Variants in HIPK2 observed in about 807,000 individuals in gnomAD.
HIPK2 encodes the protein homeodomain interacting protein kinase 2.
HIPK2 carries 27 observed loss-of-function variants against 113.7 expected under a neutral mutation model. The observed-to-expected ratio is 0.24, with a 90% CI of 0.17 to 0.33. The LOEUF (loss-of-function observed/expected upper bound fraction) is 0.33, where lower values mean the gene tolerates loss of function less well. HIPK2 is among the 10% of genes least tolerant of loss of function. The probability of loss-of-function intolerance (pLI) is 1.00; values close to 1 mark genes in which losing one functional copy is unlikely to be tolerated. For synonymous variants in HIPK2, 631 were observed against 642.2 expected (o/e 0.98, Z 0.26); for missense variants, 1,257 against 1,588.0 (o/e 0.79, Z 3.54).
In HIPK2 at chr7:139,752,856, C is replaced by T. The variant is rs372126051; in HGVS notation, c.19+24749G>A. ...CCAGGCTCAAAATTCCTGAACTTCC[C>T]ACATTAGTCAAATGCTGCTGCTACG... is the stretch of plus-strand genomic sequence containing the variant. On this transcript the variant is annotated intron_variant, in intron 1 of 14. Coordinates refer to ENST00000406875, the MANE Select transcript of HIPK2 (RefSeq NM_022740.5). Among the ~76,000 whole-genome samples the T allele has an allele frequency of 1.8e-3, 270 of 152,272 alleles. 7 individuals are homozygous for T. In the South Asian group the frequency reaches 0.053, roughly 30 times the overall value.
At position 139,569,818 on chromosome 7, in the gene HIPK2, T is replaced by C. The variant is rs1798206259; in HGVS notation, c.*3109A>G. On this transcript the variant is annotated 3_prime_UTR_variant, in exon 15 of 15. Coordinates refer to ENST00000406875, the MANE Select transcript of HIPK2 (RefSeq NM_022740.5). ...TATATACTCACAGAGAGAATAAGTT[T>C]AAATATTAAAGAGAAAACACAAAGA... The C allele has an allele frequency of 6.6e-6, 1 of 152,120 alleles. No homozygotes were observed. Among genetic ancestry groups the C allele is most frequent in the African/African-American group, 2.4e-5 (1 of 41,430 alleles). The allele number at this position is 152,120 out of a possible 1,614,324, so 9.4% of individuals were successfully genotyped here.
chr7:139,718,922 CA>C (rs1795324465), intron 1 of HIPK2, among the ~76,000 whole-genome samples: 1 of 152,176 alleles, frequency 6.6e-6, no homozygotes, highest in Admixed American at 6.5e-5. Context: ...CTCGTTAATG[CA>C]CTATAGGCTC....
At position 139,613,048 on chromosome 7, in the gene HIPK2, C is replaced by T. The variant is rs1373819160; in HGVS notation, c.2112+154G>A. On this transcript the variant is annotated intron_variant, in intron 9 of 14. Transcript: ENST00000406875. The surrounding 1 kb of genome is among the most constrained non-coding windows in gnomAD (Gnocchi z 4.2). ...AGCAGATACTTAGGAAGGTAATTCACTTGGGGACCATTTAGAATATTACAG... is the reference window on the plus strand; with the variant it reads ...AGCAGATACTTAGGAAGGTAATTCATTTGGGGACCATTTAGAATATTACAG... 2 of 459,160 alleles carry T rather than the reference C, an allele frequency of 4.4e-6. No homozygotes were observed. The highest frequency in any genetic ancestry group is 5.7e-6 in the Non-Finnish European group (2 of 349,352). 28.4% of individuals were successfully genotyped at this position (459,160 alleles called of 1,614,324 possible).
At chr7:139,575,612 C>T (rs11980170) in intron 13 of HIPK2, among the ~76,000 whole-genome samples, 12 of 152,228 alleles carry the variant, frequency 7.9e-5, no homozygotes, top group Non-Finnish European at 1.8e-4. Flanking sequence ...GGAGGTGTTA[C>T]TTTCAGCATC....
In HIPK2 at chr7:139,620,492, C is replaced by G; in HGVS notation, c.1691G>C (p.Ser564Thr). ...CACGTGCGTGATGAAAGGGGTTTTGCTCTGGTTCACCGTGTCATACATATT... is the reference window on the plus strand; with the variant it reads ...CACGTGCGTGATGAAAGGGGTTTTGGTCTGGTTCACCGTGTCATACATATT... ...RVNMYDTVNQ[S>T]KTPFITHVAP... is the part of the protein sequence containing the mutation. Residue 564 changes from serine (S) to threonine (T), a missense_variant, in exon 7 of 15, where the codon AGC (serine) becomes ACC (threonine). Coordinates refer to ENST00000406875, the MANE Select transcript of HIPK2 (RefSeq NM_022740.5). 1 of 1,614,138 alleles carries G rather than the reference C, an allele frequency of 6.2e-7. No homozygotes were observed. The highest frequency in any genetic ancestry group is 8.5e-7 in the Non-Finnish European group (1 of 1,180,030).
intron 1 of HIPK2, among the ~76,000 whole-genome samples, chr7:139,776,430 T>A (rs116919403): frequency 0.11 from 16,198 of 151,052 alleles, 1,086 homozygotes; most frequent in Non-Finnish European, 0.16. Context: ...TTTTTTTTTT[T>A]AATCAGCCTC....
At chr7:139,766,533 C>T (rs1796555780) in intron 1 of HIPK2, among the ~76,000 whole-genome samples, 1 of 152,144 alleles carries the variant, frequency 6.6e-6, no homozygotes, top group African/African-American at 2.4e-5. Context: ...CTTCGGTCTC[C>T]AGCTTGATTG....
At chr7:139,776,648 C>G (rs991102080) in intron 1 of HIPK2, among the ~76,000 whole-genome samples, 15 of 152,034 alleles carry the variant, frequency 9.9e-5, no homozygotes, top group Non-Finnish European at 2.2e-4. Context: ...GTGAAGGCTG[C>G]GATTTCAATG....
chr7:139,584,817 G>A (rs998908495), intron 12 of HIPK2, among the ~76,000 whole-genome samples: 8 of 152,188 alleles, frequency 5.3e-5, no homozygotes, highest in Non-Finnish European at 1.2e-4. Flanking sequence ...CCGGGGCCTG[G>A]TGGGAAGGCC....
chr7:139,648,383 A>T lies in HIPK2; in HGVS notation c.1104-16658T>A, dbSNP rs191977710. Among the ~76,000 whole-genome samples the T allele has an allele frequency of 2.6e-4, 40 of 152,284 alleles. 1 individual carries two copies. The East Asian group carries it at 6.9e-3, about 26-fold the overall frequency. On this transcript the variant is annotated intron_variant, in intron 2 of 14. Transcript: ENST00000406875. ...TTGATAGACTTCAGATGATCACAGA[A>T]CCCAAAGTTACAGGCCATCACTAGG...
At chr7:139,595,698 T>A (rs916633625) in intron 12 of HIPK2, among the ~76,000 whole-genome samples, 1 of 152,206 alleles carries the variant, frequency 6.6e-6, no homozygotes, top group African/African-American at 2.4e-5. Context: ...GAACGTCCTA[T>A]GCAGGAATAG....
At chr7:139,764,199 G>A (rs1796516403) in intron 1 of HIPK2, among the ~76,000 whole-genome samples, 2 of 152,142 alleles carry the variant, frequency 1.3e-5, no homozygotes, top group Non-Finnish European at 1.5e-5. Flanking sequence ...CTATACCAAC[G>A]TACAACATCT....
intron 13 of HIPK2, among the ~76,000 whole-genome samples, chr7:139,580,118 A>G (rs922519357): frequency 1.3e-5 from 2 of 152,138 alleles, no homozygotes; most frequent in Non-Finnish European, 1.5e-5. Context: ...TGCAGCCACA[A>G]TGTGGCTGTG....
At chr7:139,620,313 G>A (rs1800191085) in intron 7 of HIPK2, 88 bp downstream of exon 7, 1 of 1,522,684 alleles carries the variant, frequency 6.6e-7, no homozygotes, top group African/African-American at 1.4e-5. Flanking sequence ...CAGGAATTTT[G>A]CCTCCTGACT....
chr7:139,660,119 T>C (rs1801815319), intron 2 of HIPK2, among the ~76,000 whole-genome samples: 1 of 152,234 alleles, frequency 6.6e-6, no homozygotes, highest in Non-Finnish European at 1.5e-5. Context: ...CTCCCATAGT[T>C]TGAGAAGCTC....
rs954997028 is a variant in HIPK2, at chr7:139,683,252, T to A, written c.1103+32680A>T. On this transcript the variant is annotated intron_variant, in intron 2 of 14. Coordinates refer to ENST00000406875, the MANE Select transcript of HIPK2 (RefSeq NM_022740.5). The surrounding 1 kb of genome is among the most constrained non-coding windows in gnomAD (Gnocchi z 4.2). ...GATAAAAATGCGAACAGAGACTGCA[T>A]TAGCTGCCTGTTAATGTGTAACAAG... Among the ~76,000 whole-genome samples the A allele has an allele frequency of 7.2e-5, 11 of 152,220 alleles. No individual in the cohort carries two copies. The highest frequency in any genetic ancestry group is 2.0e-4 in the Admixed American group (3 of 15,280).
chr7:139,776,361 C>T (rs1275450438), intron 1 of HIPK2, among the ~76,000 whole-genome samples: 2 of 151,840 alleles, frequency 1.3e-5, no homozygotes, highest in East Asian at 1.9e-4. Flanking sequence ...AACTTTATTC[C>T]GGCCAGAAAC....
intron 1 of HIPK2, among the ~76,000 whole-genome samples, chr7:139,724,170 T>A (rs1213864787): frequency 1.3e-5 from 2 of 152,200 alleles, no homozygotes; most frequent in Non-Finnish European, 2.9e-5. Context: ...ATGGACATTT[T>A]TAAACACCTA....
intron 6 of HIPK2, among the ~76,000 whole-genome samples, chr7:139,622,590 G>A (rs1800272476): frequency 6.6e-6 from 1 of 152,188 alleles, no homozygotes; most frequent in Non-Finnish European, 1.5e-5. Context: ...ATTGTGCACT[G>A]GAATCCTGGT....
Sources: gnomAD v4.1 joint callset for allele counts (sites outside exome capture counted in the v4.1 genomes callset) on GRCh38, gnomAD v4.1.1 for gene constraint, Gnocchi (gnomAD v3.1) non-coding constraint, MANE v1.5 for transcripts, NCBI Gene and HGNC (gene_info 2026-07-23, HGNC 2026-07-21) for gene names.